SPTBN1: variants seen among roughly 807,000 people sequenced by gnomAD.
SPTBN1 encodes spectrin beta chain, non-erythrocytic 1.
A neutral mutation model predicts 266.4 loss-of-function variants in SPTBN1; 32 were observed. The ratio of observed to expected loss-of-function variants is 0.12; its 90% confidence interval spans 0.09 to 0.16. The LOEUF (loss-of-function observed/expected upper bound fraction) is 0.16. SPTBN1 is among the 10% of genes least tolerant of loss of function. The pLI, the probability that SPTBN1 is intolerant of heterozygous loss-of-function variation, is 1.00. For missense variants in SPTBN1, 2,296 were observed against 3,067.1 expected (o/e 0.75, Z 5.94); for synonymous variants, 1,336 against 1,162.2 (o/e 1.15, Z -3.04).
intron 1 of SPTBN1, among the ~76,000 whole-genome samples, chr2:54,492,349 GTT>G (rs542155672): frequency 3.8e-5 from 5 of 132,628 alleles, no homozygotes; most frequent in Admixed American, 7.8e-5. Context: ...TTGTTTTTTT[GTT>G]TTTTTTTTTT....
At chr2:54,587,748 T>C (rs1307944179) in intron 2 of SPTBN1, among the ~76,000 whole-genome samples, 3 of 152,148 alleles carry the variant, frequency 2.0e-5, no homozygotes, top group Non-Finnish European at 4.4e-5. Flanking sequence ...AGGTCTAGCC[T>C]GTGGTGATTA....
At chr2:54,577,681 G>A (rs995382589) in intron 2 of SPTBN1, among the ~76,000 whole-genome samples, 3 of 152,184 alleles carry the variant, frequency 2.0e-5, no homozygotes, top group South Asian at 2.1e-4. Flanking sequence ...AGGAAACTGA[G>A]GCACAAAGGA....
intron 2 of SPTBN1, among the ~76,000 whole-genome samples, chr2:54,549,894 G>T (rs1363628551): frequency 6.6e-6 from 1 of 152,214 alleles, no homozygotes; most frequent in Non-Finnish European, 1.5e-5. Flanking sequence ...AGGAGGAAGA[G>T]ATGGGGACAG....
chr2:54,621,263 A>G, intron 7 of SPTBN1, 137 bp from the exon 8 acceptor site: 2 of 563,192 alleles, frequency 3.6e-6, no homozygotes. Flanking sequence ...TAATGCACGG[A>G]TGGCAGAACA....
chr2:54,608,667 A>C, intron 3 of SPTBN1, among the ~76,000 whole-genome samples: 1 of 150,454 alleles, frequency 6.6e-6, no homozygotes, highest in Non-Finnish European at 1.5e-5. Flanking sequence ...GATAATAGAA[A>C]CCCATTTTGT....
chr2:54,542,356 T>C (rs1671987198), intron 2 of SPTBN1, among the ~76,000 whole-genome samples: 2 of 152,240 alleles, frequency 1.3e-5, no homozygotes, highest in African/African-American at 2.4e-5. Flanking sequence ...GGCAGGACTA[T>C]AGGAGTGAAC....
chr2:54,645,495 C>T lies in SPTBN1; in HGVS notation c.4494+42C>T. On this transcript the variant is annotated intron_variant, in intron 21 of 35. Coordinates refer to ENST00000356805, the MANE Select transcript of SPTBN1 (RefSeq NM_003128.3). The surrounding 1 kb of genome is among the most constrained non-coding windows in gnomAD (Gnocchi z 4.3). Reference sequence around the variant, plus strand: ...TGCACACATGGCTTTTCCACGAGCCCCCTTGCCTGTGCTAAAGCCCACATT... The same window carrying T: ...TGCACACATGGCTTTTCCACGAGCCTCCTTGCCTGTGCTAAAGCCCACATT... 1 of 1,595,176 alleles carries T rather than the reference C, an allele frequency of 6.3e-7. No individual in the cohort carries two copies. The highest frequency in any genetic ancestry group is 8.6e-7 in the Non-Finnish European group (1 of 1,167,262).
chr2:54,531,801 C>T lies in SPTBN1; in HGVS notation c.148+5235C>T, dbSNP rs73934324. Among the ~76,000 whole-genome samples the T allele has an allele frequency of 8.7e-3, 1,329 of 152,026 alleles. 22 individuals are homozygous for T. Among genetic ancestry groups the T allele is most frequent in the African/African-American group, 0.03 (1,253 of 41,422 alleles). ...TCGCCACCCCCAGCTCCTTAGTAGC[C>T]AGAAACATCAGCGTGATGATCAGGA... is the stretch of plus-strand genomic sequence containing the variant. On this transcript the variant is annotated intron_variant, in intron 2 of 35. Coordinates refer to ENST00000356805, the MANE Select transcript of SPTBN1 (RefSeq NM_003128.3).
chr2:54,624,508 TTAAAG>T (rs1678199803), intron 10 of SPTBN1, among the ~76,000 whole-genome samples: 1 of 152,254 alleles, frequency 6.6e-6, no homozygotes, highest in Admixed American at 6.5e-5. Flanking sequence ...TTATTTCCTC[TTAAAG>T]TAAGAGATTT....
intron 2 of SPTBN1, among the ~76,000 whole-genome samples, chr2:54,560,164 A>T (rs559893227): frequency 3.0e-5 from 4 of 132,976 alleles, no homozygotes; most frequent in Non-Finnish European, 6.2e-5. Context: ...GGCGCTTGCA[A>T]GTAGTAAATA....
At chr2:54,497,779 T>C (rs1282682344) in intron 1 of SPTBN1, among the ~76,000 whole-genome samples, 3 of 152,168 alleles carry the variant, frequency 2.0e-5, no homozygotes, top group African/African-American at 4.8e-5. Flanking sequence ...TTGAAAAATA[T>C]CTGCAAATAT....
intron 2 of SPTBN1, 189 bp downstream of exon 2, chr2:54,526,755 T>C: frequency 1.8e-6 from 1 of 565,826 alleles, no homozygotes; most frequent in Admixed American, 3.7e-5. Context: ...CTGTCAACTC[T>C]AATGGCCAAA....
intron 1 of SPTBN1, among the ~76,000 whole-genome samples, chr2:54,480,749 G>T (rs541198981): frequency 5.9e-5 from 9 of 152,196 alleles, no homozygotes; most frequent in Admixed American, 5.2e-4. Context: ...AAAGAATTCA[G>T]TCTGGTTTGC....
intron 1 of SPTBN1, among the ~76,000 whole-genome samples, chr2:54,456,934 G>GGACAGCGGACAGCC (rs1693068923): frequency 7.1e-6 from 1 of 140,020 alleles, no homozygotes; most frequent in Non-Finnish European, 1.5e-5. Flanking sequence ...GGTGCGGAGC[G>GGACAGCGGACAGCC]GACAGCGGAC....
chr2:54,617,519 C>A, intron 5 of SPTBN1, 89 bp from the exon 6 acceptor site: 1 of 1,220,124 alleles, frequency 8.2e-7, no homozygotes, highest in Non-Finnish European at 1.2e-6. Context: ...ACAATGCTTA[C>A]AGACTTTTTA....
chr2:54,649,899 T>C lies in SPTBN1; in HGVS notation c.5487T>C (p.Pro1829=). 6.2e-7 allele frequency: 1 copy of C among 1,614,212 alleles called. No individual in the cohort carries two copies. The highest frequency in any genetic ancestry group is 8.5e-7 in the Non-Finnish European group (1 of 1,180,026). Residue 1829 remains proline (P), a synonymous_variant, in exon 26 of 36, where the codon CCT becomes CCC. Transcript: ENST00000356805. The surrounding 1 kb of genome is among the most constrained non-coding windows in gnomAD (Gnocchi z 6.7). ...GRIQDKHKKL[P]EELGRDQNTV... ...TACAGGACAAACACAAGAAACTCCC[T>C]GAGGAGCTTGGGAGAGATCAGAACA... is the stretch of plus-strand genomic sequence containing the variant.
At chr2:54,524,482 CCAAAGCACATCCACCT>C (rs1483058988) in intron 1 of SPTBN1, among the ~76,000 whole-genome samples, 17 of 152,252 alleles carry the variant, frequency 1.1e-4, no homozygotes, top group African/African-American at 4.1e-4. Context: ...AGTTCTCCCT[CCAAAGCACATCCACCT>C]CTAAGCACAT....
chr2:54,630,835 G>C lies in SPTBN1; in HGVS notation c.2808-20G>C. 1 of 1,542,354 alleles carries C rather than the reference G, an allele frequency of 6.5e-7. No homozygotes were observed. The highest frequency in any genetic ancestry group is 8.7e-7 in the Non-Finnish European group (1 of 1,143,666). Reference sequence around the variant, plus strand: ...CAGTCTTCCCTTTTTCACACTCGCTGTCTGCCCCTGCACTCACAGGTGGAG... The same window carrying C: ...CAGTCTTCCCTTTTTCACACTCGCTCTCTGCCCCTGCACTCACAGGTGGAG... On this transcript the variant is annotated intron_variant, in intron 15 of 35. Transcript: ENST00000356805.
At chr2:54,611,472 C>CTA (rs1308460399) in intron 3 of SPTBN1, among the ~76,000 whole-genome samples, 3 of 151,308 alleles carry the variant, frequency 2.0e-5, no homozygotes, top group African/African-American at 4.9e-5. Context: ...TCTACTCTCT[C>CTA]TCTATATATA....
Sources: gnomAD v4.1 joint callset for allele counts (sites outside exome capture counted in the v4.1 genomes callset) on GRCh38, gnomAD v4.1.1 for gene constraint, Gnocchi (gnomAD v3.1) non-coding constraint, MANE v1.5 for transcripts, NCBI Gene and HGNC (gene_info 2026-07-23, HGNC 2026-07-21) for gene names.